Variants in ZNF235 observed in about 807,000 individuals in gnomAD.
The protein encoded by ZNF235 is zfp-93.
Under a neutral mutation model 29.4 loss-of-function variants are expected in ZNF235, and 25 were observed. That is an observed-to-expected ratio of 0.85 (90% CI 0.62 to 1.19). The LOEUF is 1.19. ZNF235 is among the 50% of genes most tolerant of loss of function. The pLI is 0.00. For synonymous variants in ZNF235, 300 were observed against 295.3 expected, an observed-to-expected ratio of 1.02 and a Z score of -0.16; for missense variants, 788 against 885.0, an observed-to-expected ratio of 0.89 and a Z score of 1.39.
In ZNF235 at chr19:44,287,249, T is replaced by G. The variant is rs1247270974; in HGVS notation, c.2186A>C (p.His729Pro). The G allele has an allele frequency of 6.2e-7, 1 of 1,610,352 alleles. No individual in the cohort carries two copies. Among genetic ancestry groups the G allele is most frequent in the Admixed American group, 1.7e-5 (1 of 59,862 alleles). Reference sequence around the variant, plus strand: ...ATTCCCTCCAGTGTGGACTCTCTGATGGTAGATGAGATGTGACCTCTGACT... The same window carrying G: ...ATTCCCTCCAGTGTGGACTCTCTGAGGGTAGATGAGATGTGACCTCTGACT... Reference protein sequence around the residue: ...GFSQRSHLIYHQRVHTGGNL With the variant: ...GFSQRSHLIYPQRVHTGGNL The change falls in exon 5 of 5, where the codon CAT becomes CCT. Residue 729 changes from histidine to proline, a missense_variant. Coordinates refer to ENST00000291182, the MANE Select transcript of ZNF235 (RefSeq NM_004234.4).
chr19:44,291,045 TCAAC>T (rs1975578214), intron 4 of ZNF235: 1 of 152,202 alleles, frequency 6.6e-6, no homozygotes, highest in South Asian at 2.1e-4. Context: ...AGCAATATTA[TCAAC>T]CAAGTTGACT....
At chr19:44,289,252 T>C (rs1599886605) in intron 4 of ZNF235, 56 bp from the exon 5 acceptor site, 18 of 1,462,762 alleles carry the variant, frequency 1.2e-5, no homozygotes, top group South Asian at 1.4e-5. Context: ...ATTAGCAAAG[T>C]AGAGAATTAA....
chr19:44,295,235 T>G (rs1331822889), intron 4 of ZNF235, among the ~76,000 whole-genome samples: 1 of 152,012 alleles, frequency 6.6e-6, no homozygotes, highest in Non-Finnish European at 1.5e-5. Context: ...ATGACTTCAA[T>G]AAAGTTTCAG....
rs763711931 is a variant in ZNF235 at position 44,288,751 on chromosome 19, T to C, written c.684A>G (p.Ile228Met). The change falls in exon 5 of 5, where the codon ATA becomes ATG. Residue 228 changes from isoleucine to methionine, a missense_variant. Physicochemically the swap from Ile to Met is conservative, Grantham distance 10 (BLOSUM62 1). Coordinates refer to ENST00000291182, the MANE Select transcript of ZNF235 (RefSeq NM_004234.4). Reference sequence around the variant, plus strand: ...TATGAACTTTATCTCTTTTGTGCACTATATTATCATCATGGTGGTGTGAAA... The same window carrying C: ...TATGAACTTTATCTCTTTTGTGCACCATATTATCATCATGGTGGTGTGAAA... The part of the protein sequence containing the change: ...SCISHHHDDN[I>M]VHKRDKVHSN... 1 of 1,611,918 alleles carries C rather than the reference T, an allele frequency of 6.2e-7. No homozygotes were observed. Among genetic ancestry groups the C allele is most frequent in the Non-Finnish European group, 8.5e-7 (1 of 1,178,038 alleles).
intron 4 of ZNF235, chr19:44,297,201 C>A: frequency 5.2e-6 from 1 of 192,438 alleles, no homozygotes; most frequent in East Asian, 1.4e-4. Flanking sequence ...ATAATTCTGC[C>A]CCCACTCAGC....
chr19:44,289,949 C>G (rs192682080), intron 4 of ZNF235: 91 of 152,270 alleles, frequency 6.0e-4, no homozygotes, highest in African/African-American at 2.0e-3. Context: ...AGCTAGTAAA[C>G]CAAGTAGGAA....
intron 2 of ZNF235, among the ~76,000 whole-genome samples, chr19:44,301,113 C>T (rs1407261250): frequency 6.6e-6 from 1 of 151,768 alleles, no homozygotes; most frequent in African/African-American, 2.4e-5. Context: ...TTCCTTAATC[C>T]TACTGGGATT....
chr19:44,291,371 A>T (rs987845331), intron 4 of ZNF235, among the ~76,000 whole-genome samples: 5 of 152,244 alleles, frequency 3.3e-5, no homozygotes, highest in Non-Finnish European at 7.3e-5. Flanking sequence ...ATATATCAAA[A>T]TTTCTACTTA....
In ZNF235 at chr19:44,287,828, ACT is replaced by A; in HGVS notation, c.1605_1606del (p.Arg535SerfsTer11). On this transcript the variant is annotated frameshift_variant, in exon 5 of 5. Coordinates refer to ENST00000291182, the MANE Select transcript of ZNF235 (RefSeq NM_004234.4). LOFTEE classifies it high-confidence loss of function. ...TTTGTATGGTTTTTCTCCAGTGTGG[ACT>A]CTCTGATGTGCTTGAAAGTATGAAC... 6.2e-7 allele frequency: 1 copy of A among 1,613,826 alleles called. No individual in the cohort carries two copies. Among genetic ancestry groups the A allele is most frequent in the Non-Finnish European group, 8.5e-7 (1 of 1,179,976 alleles).
chr19:44,302,988 A>AATTTC (rs1975769189), intron 2 of ZNF235, among the ~76,000 whole-genome samples: 1 of 133,390 alleles, frequency 7.5e-6, no homozygotes. Context: ...ATATTTATAT[A>AATTTC]TAAATATATA....
intron 1 of ZNF235, among the ~76,000 whole-genome samples, chr19:44,304,389 A>G (rs572927860): frequency 6.6e-6 from 1 of 152,314 alleles, no homozygotes; most frequent in Admixed American, 6.5e-5. Flanking sequence ...CTCCGCTGGA[A>G]CTAATTCCTG....
chr19:44,302,976 ATATATT>A (rs1471464939), intron 2 of ZNF235, among the ~76,000 whole-genome samples: 13 of 123,064 alleles, frequency 1.1e-4, no homozygotes, highest in African/African-American at 4.9e-4. Context: ...GTATATATGT[ATATATT>A]TATATATAAA....
intron 2 of ZNF235, among the ~76,000 whole-genome samples, chr19:44,301,191 C>A (rs1368533229): frequency 6.6e-6 from 1 of 152,106 alleles, no homozygotes; most frequent in Non-Finnish European, 1.5e-5. Context: ...AATTCCTACC[C>A]CGCACCTGTT....
rs1975500888 is a variant in ZNF235, at chr19:44,287,330, T to C, written c.2105A>G (p.Gln702Arg). ...FSQASHFHTH[Q>R]RVHTGERPYI... is the part of the protein sequence containing the mutation. ...AGGCCTCTCTCCAGTGTGGACTCTCTGGTGTGTGTGAAAATGTGAGGCCTG... is the reference window on the plus strand; with the variant it reads ...AGGCCTCTCTCCAGTGTGGACTCTCCGGTGTGTGTGAAAATGTGAGGCCTG... The change falls in exon 5 of 5, where the codon CAG (glutamine) becomes CGG (arginine). Residue 702 changes from glutamine to arginine, a missense_variant. Transcript: ENST00000291182. The C allele has an allele frequency of 1.2e-6, 2 of 1,614,044 alleles. No individual in the cohort carries two copies. The highest frequency in any genetic ancestry group is 1.7e-6 in the Non-Finnish European group (2 of 1,179,944).
intron 2 of ZNF235, among the ~76,000 whole-genome samples, chr19:44,303,054 A>AG (rs1367624683): frequency 7.1e-6 from 1 of 141,162 alleles, no homozygotes; most frequent in South Asian, 2.1e-4. Flanking sequence ...ACATTTATAT[A>AG]AAATATACGT....
chr19:44,302,903 TAA>T (rs1975759838), intron 2 of ZNF235, among the ~76,000 whole-genome samples: 2 of 104,634 alleles, frequency 1.9e-5, no homozygotes, highest in Non-Finnish European at 3.8e-5. Context: ...TATTTGTATA[TAA>T]ATATATACGT....
Position 44,298,705 on chromosome 19 carries a change from G to GT in ZNF235, c.238+102dup, listed in dbSNP as rs1344424338. The GT allele has an allele frequency of 7.7e-6, 7 of 910,202 alleles. No individual in the cohort carries two copies. In the Admixed American group the frequency reaches 9.1e-5, roughly 12 times the overall value. The allele number at this position is 910,202 out of a possible 1,614,324, so 56.4% of individuals were successfully genotyped here. A position where few individuals can be genotyped will look rare whatever the true frequency, so the allele number is the denominator to read the frequency against. On this transcript the variant is annotated intron_variant, in intron 4 of 4. Transcript: ENST00000291182. Reference sequence around the variant, plus strand: ...GCCATCGCGCCCAACCATGACAGATGTTTTTTAAAAAAGTCTCTCAGGTAG... The same window carrying GT: ...GCCATCGCGCCCAACCATGACAGATGTTTTTTTAAAAAAGTCTCTCAGGTAG...
intron 2 of ZNF235, among the ~76,000 whole-genome samples, chr19:44,302,626 G>A (rs1220611013): frequency 6.6e-6 from 1 of 151,370 alleles, no homozygotes; most frequent in Non-Finnish European, 1.5e-5. Context: ...GTGCTGGTGT[G>A]TGCCCGTGGT....
intron 4 of ZNF235, among the ~76,000 whole-genome samples, chr19:44,298,284 C>T (rs1236036549): frequency 2.6e-5 from 4 of 152,082 alleles, no homozygotes; most frequent in Non-Finnish European, 5.9e-5. Context: ...GGTGAATAGG[C>T]AAACATTATA....
Sources: allele counts gnomAD v4.1 joint callset (sites outside exome capture counted in the v4.1 genomes callset), GRCh38; gene constraint gnomAD v4.1.1; transcripts MANE v1.5; gene names NCBI Gene and HGNC (gene_info 2026-07-23, HGNC 2026-07-21).